Variants in ZDHHC3 observed in about 807,000 individuals in gnomAD.
The protein encoded by ZDHHC3 is zDHHC palmitoyltransferase 3.
A neutral mutation model predicts 30.6 loss-of-function variants in ZDHHC3; 9 were observed. The observed-to-expected ratio is 0.29, with a 90% confidence interval of 0.18 to 0.51. The LOEUF (loss-of-function observed/expected upper bound fraction) is 0.51. ZDHHC3 is among the 20% of genes least tolerant of loss of function. The pLI is 0.97. For synonymous variants in ZDHHC3, 136 were observed against 140.2 expected, an observed-to-expected ratio of 0.97 and a Z score of 0.21; for missense variants, 246 against 384.2, an observed-to-expected ratio of 0.64 and a Z score of 3.01.
chr3:44,920,508 TGAG>T lies in ZDHHC3; in HGVS notation c.*6178_*6180del. ...TGGCCTCCTTGTGAGGAGGTGGGTA[TGAG>T]TATTGATGATTGGCAGATGGGGAAG... On this transcript the variant is annotated 3_prime_UTR_variant, in exon 7 of 7. Transcript: ENST00000424952. 1.0e-6 allele frequency: 1 copy of T among 985,398 alleles called. No homozygotes were observed. The highest frequency in any genetic ancestry group is 1.2e-6 in the Non-Finnish European group (1 of 829,918). The allele number at this position is 985,398 out of a possible 1,614,324, so 61.0% of individuals were successfully genotyped here.
rs559029072 is a variant in ZDHHC3 at position 44,927,512 on chromosome 3, G to A, written c.742-665C>T. Among the ~76,000 whole-genome samples, 2 of 152,282 alleles carry A rather than the reference G, an allele frequency of 1.3e-5. 1 individual carries two copies. The highest frequency in any genetic ancestry group is 4.1e-4 in the South Asian group (2 of 4,828). On this transcript the variant is annotated intron_variant, in intron 6 of 6. Transcript: ENST00000424952. Reference sequence around the variant, plus strand: ...GGGGAGAAGTCACCAGAGGAGGAAGGAGGAGGGATTAGTACAGGTTAGAGG... The same window carrying A: ...GGGGAGAAGTCACCAGAGGAGGAAGAAGGAGGGATTAGTACAGGTTAGAGG...
At position 44,922,102 on chromosome 3, in the gene ZDHHC3, C is replaced by T. The variant is rs575237855; in HGVS notation, c.*4587G>A. Reference sequence around the variant, plus strand: ...AAAAAGAAGGTTCAGGTTGGGAGTACGCTGGTCAGTGGCTTGTTTCTGCTT... The same window carrying T: ...AAAAAGAAGGTTCAGGTTGGGAGTATGCTGGTCAGTGGCTTGTTTCTGCTT... On this transcript the variant is annotated 3_prime_UTR_variant, in exon 7 of 7. Transcript: ENST00000424952. 3.1e-5 allele frequency: 31 copies of T among 985,394 alleles called. No individual in the cohort carries two copies. The highest frequency in any genetic ancestry group is 7.0e-5 in the African/African-American group (4 of 57,346). 61.0% of individuals were successfully genotyped at this position (985,394 alleles called of 1,614,324 possible). A position where few individuals can be genotyped will look rare whatever the true frequency, so the allele number is the denominator to read the frequency against.
chr3:44,921,246 C>T lies in ZDHHC3; in HGVS notation c.*5443G>A, dbSNP rs980198912. The T allele has an allele frequency of 3.8e-5, 37 of 985,196 alleles. No individual in the cohort carries two copies. The African/African-American group carries it at 4.5e-4, about 12-fold the overall frequency. 61.0% of individuals were successfully genotyped at this position (985,196 alleles called of 1,614,324 possible). The stretch of plus-strand genomic sequence containing the variant: ...GCTCCCGAGGAAGGAAGAGTCTGTG[C>T]AGAACAGACTCAGCTGAGCCCCACA... On this transcript the variant is annotated 3_prime_UTR_variant, in exon 7 of 7. Transcript: ENST00000424952.
chr3:44,935,506 C>A (rs1040047252), intron 3 of ZDHHC3, among the ~76,000 whole-genome samples: 5 of 152,332 alleles, frequency 3.3e-5, no homozygotes, highest in South Asian at 2.1e-4. Flanking sequence ...GAGCAATCCA[C>A]CTGCTTTGGC....
chr3:44,947,657 T>C (rs904100730), intron 2 of ZDHHC3, among the ~76,000 whole-genome samples: 4 of 152,196 alleles, frequency 2.6e-5, no homozygotes, highest in Admixed American at 6.5e-5. Context: ...CCTAGACTCT[T>C]ATGCAGCACT....
intron 3 of ZDHHC3, among the ~76,000 whole-genome samples, chr3:44,939,407 C>T (rs775584037): frequency 1.3e-5 from 2 of 152,220 alleles, no homozygotes; most frequent in Non-Finnish European, 2.9e-5. Context: ...CTCCCTGCAT[C>T]CTAGGCCTCA....
At position 44,925,710 on chromosome 3, in the gene ZDHHC3, T is replaced by G; in HGVS notation, c.*979A>C. ...TAAGACACAGGTACGTGCACATTTA[T>G]GGGGGTTAACTATCAGAAAGTGAAT... is the stretch of plus-strand genomic sequence containing the variant. On this transcript the variant is annotated 3_prime_UTR_variant, in exon 7 of 7. Transcript: ENST00000424952. 1.0e-6 allele frequency: 1 copy of G among 985,518 alleles called. No individual in the cohort carries two copies. The highest frequency in any genetic ancestry group is 1.2e-6 in the Non-Finnish European group (1 of 829,922). The allele number at this position is 985,518 out of a possible 1,614,324, so 61.0% of individuals were successfully genotyped here. A position where few individuals can be genotyped will look rare whatever the true frequency, so the allele number is the denominator to read the frequency against.
intron 3 of ZDHHC3, among the ~76,000 whole-genome samples, chr3:44,940,541 T>C (rs1702353851): frequency 6.6e-6 from 1 of 152,194 alleles, no homozygotes; most frequent in African/African-American, 2.4e-5. Flanking sequence ...GTGAGCTCCA[T>C]GGCACAGGGA....
chr3:44,924,698 G>C lies in ZDHHC3; in HGVS notation c.*1991C>G, dbSNP rs1437418849. ...ACCAATCTCTTCCCCCTAGGGGAGG[G>C]CCAGAGCTGTAGCCCTGCTCTAGTT... On this transcript the variant is annotated 3_prime_UTR_variant, in exon 7 of 7. Transcript: ENST00000424952. 1.0e-6 allele frequency: 1 copy of C among 985,286 alleles called. No homozygotes were observed. The highest frequency in any genetic ancestry group is 1.7e-5 in the African/African-American group (1 of 57,220). The allele number at this position is 985,286 out of a possible 1,614,324, so 61.0% of individuals were successfully genotyped here.
chr3:44,918,306 A>G lies in ZDHHC3; in HGVS notation c.*8383T>C. ...TGGGCAGTCTGTTGTGGCCCAGGTC[A>G]CCCCCGGGAGGTCCCTCAGAGGACT... On this transcript the variant is annotated 3_prime_UTR_variant, in exon 7 of 7. Transcript: ENST00000424952. 2 of 984,544 alleles carry G rather than the reference A, an allele frequency of 2.0e-6. No homozygotes were observed. Among genetic ancestry groups the G allele is most frequent in the Middle Eastern group, 1.0e-3 (2 of 1,914 alleles). 61.0% of individuals were successfully genotyped at this position (984,544 alleles called of 1,614,324 possible).
intron 2 of ZDHHC3, among the ~76,000 whole-genome samples, chr3:44,955,377 T>C (rs753616138): frequency 6.6e-5 from 10 of 151,840 alleles, no homozygotes; most frequent in Non-Finnish European, 1.0e-4. Flanking sequence ...GTGGTTGCAA[T>C]TGTTCAGATA....
rs768886306 is a variant in ZDHHC3, at chr3:44,945,188, G to C, written c.411C>G (p.Pro137=). 1 of 1,614,070 alleles carries C rather than the reference G, an allele frequency of 6.2e-7. No homozygotes were observed. The highest frequency in any genetic ancestry group is 1.3e-5 in the African/African-American group (1 of 75,018). ...TGTACCTGCAGTGGTGGGCTCGGTC[G>C]GGCTTGATGCTGCAGCATTTGGGGC... ...YKCPKCCSIK[P]DRAHHCSVCK... The change falls in exon 3 of 7, where the codon CCC becomes CCG. Residue 137 remains proline, a synonymous_variant. Transcript: ENST00000424952.
chr3:44,931,885 C>T (rs553638006), intron 5 of ZDHHC3, among the ~76,000 whole-genome samples: 44 of 152,186 alleles, frequency 2.9e-4, no homozygotes, highest in Admixed American at 2.9e-3. Flanking sequence ...ACCTTGCAGG[C>T]TTGTTATAAG....
At chr3:44,944,242 C>G (rs895381306) in intron 3 of ZDHHC3, among the ~76,000 whole-genome samples, 3 of 152,130 alleles carry the variant, frequency 2.0e-5, no homozygotes, top group Admixed American at 2.0e-4. Context: ...CTCTGCCTCC[C>G]GGGTTCAAGC....
Position 44,945,248 on chromosome 3 carries a change from A to C in ZDHHC3, c.351T>G (p.Ser117Arg). The change falls in exon 3 of 7, where the codon AGT becomes AGG. Residue 117 changes from serine (S) to arginine (R), a missense_variant. Physicochemically the swap from Ser to Arg is moderately radical, Grantham distance 110. Transcript: ENST00000424952. ...KGNATKEFIE[S>R]LQLKPGQVVY... ...CCACCTGCCCAGGCTTCAACTGTAA[A>C]CTCTCGATGAATTCTTTAGTGGCAT... is the stretch of plus-strand genomic sequence containing the variant. 6.2e-7 allele frequency: 1 copy of C among 1,613,868 alleles called. No homozygotes were observed. The highest frequency in any genetic ancestry group is 8.5e-7 in the Non-Finnish European group (1 of 1,179,980).
intron 1 of ZDHHC3, among the ~76,000 whole-genome samples, chr3:44,971,908 T>A (rs1015154152): frequency 1.3e-5 from 2 of 152,204 alleles, no homozygotes; most frequent in Non-Finnish European, 2.9e-5. Flanking sequence ...ATTTTATTAT[T>A]TTTTAGCGAT....
chr3:44,921,733 G>T lies in ZDHHC3; in HGVS notation c.*4956C>A. On this transcript the variant is annotated 3_prime_UTR_variant, in exon 7 of 7. Coordinates refer to ENST00000424952, the MANE Select transcript of ZDHHC3 (RefSeq NM_001135179.2). Reference sequence around the variant, plus strand: ...TCAGATGAAAAAACTGAGGCTTAAAGAAGTTACTGCTCAAGGTCATATTTT... The same window carrying T: ...TCAGATGAAAAAACTGAGGCTTAAATAAGTTACTGCTCAAGGTCATATTTT... 2.1e-6 allele frequency: 2 copies of T among 960,952 alleles called. No individual in the cohort carries two copies. Among genetic ancestry groups the T allele is most frequent in the Non-Finnish European group, 2.5e-6 (2 of 807,756 alleles). The allele number at this position is 960,952 out of a possible 1,614,324, so 59.5% of individuals were successfully genotyped here.
At chr3:44,957,780 G>A (rs866111878) in intron 2 of ZDHHC3, among the ~76,000 whole-genome samples, 5 of 152,246 alleles carry the variant, frequency 3.3e-5, no homozygotes, top group Middle Eastern at 6.8e-3. Flanking sequence ...ATTTCTTTCT[G>A]CCAAACCTTC....
rs987527878 is a variant in ZDHHC3 at position 44,919,022 on chromosome 3, C to G, written c.*7667G>C. 2.5e-5 allele frequency: 25 copies of G among 985,478 alleles called. No individual in the cohort carries two copies. The highest frequency in any genetic ancestry group is 2.8e-5 in the Non-Finnish European group (23 of 829,950). 61.0% of individuals were successfully genotyped at this position (985,478 alleles called of 1,614,324 possible). The stretch of plus-strand genomic sequence containing the variant: ...GCTTGGGCACTGCTCCTTCACATGA[C>G]TCAAGAAAGATCTCTGTGTATCTAG... On this transcript the variant is annotated 3_prime_UTR_variant, in exon 7 of 7. Transcript: ENST00000424952.
Sources: allele counts gnomAD v4.1 joint callset (sites outside exome capture counted in the v4.1 genomes callset), GRCh38; gene constraint gnomAD v4.1.1; transcripts MANE v1.5; gene names NCBI Gene and HGNC (gene_info 2026-07-23, HGNC 2026-07-21).